The following TDRD1 variants were observed in gnomAD, a reference collection of about 807,000 sequenced individuals.
The protein encoded by TDRD1 is tudor domain containing 1.
A neutral mutation model predicts 140.6 loss-of-function variants in TDRD1; 37 were observed. That is an observed-to-expected ratio of 0.26 (90% confidence interval 0.20 to 0.35). The LOEUF (loss-of-function observed/expected upper bound fraction) is 0.35. Ranked by LOEUF, TDRD1 falls within the 10% of genes least tolerant of loss-of-function variation. The pLI is 1.00. For missense variants in TDRD1, 1,243 were observed against 1,393.0 expected, an observed-to-expected ratio of 0.89 and a Z score of 1.71; for synonymous variants, 506 against 475.7, an observed-to-expected ratio of 1.06 and a Z score of -0.83.
In TDRD1 at chr10:114,227,957, G is replaced by C; in HGVS notation, c.3450+1G>C. The stretch of plus-strand genomic sequence containing the variant: ...CTGCTGCACAGAGTTACAGAAACAA[G>C]TAGGTAAAATTTCCTTTAAGTGAAA... On this transcript the variant is annotated splice_donor_variant, in intron 24 of 25. Coordinates refer to ENST00000251864, the Ensembl canonical transcript of TDRD1. LOFTEE classifies it high-confidence loss of function. The C allele has an allele frequency of 6.2e-7, 1 of 1,613,560 alleles. No homozygotes were observed. Among genetic ancestry groups the C allele is most frequent in the Non-Finnish European group, 8.5e-7 (1 of 1,179,638 alleles).
chr10:114,178,861 C>A (rs2032791852), upstream of TDRD1, among the ~76,000 whole-genome samples: 1 of 137,816 alleles, frequency 7.3e-6, no homozygotes, highest in African/African-American at 2.8e-5. Flanking sequence ...TAGAAAAGTT[C>A]CATAGCAAAA....
chr10:114,211,234 T>C (rs1385896546), intron 13 of TDRD1, among the ~76,000 whole-genome samples: 1 of 152,138 alleles, frequency 6.6e-6, no homozygotes, highest in Admixed American at 6.5e-5. Context: ...TGTCAGCCTT[T>C]TGGTTTTGGG....
intron 11 of TDRD1, among the ~76,000 whole-genome samples, chr10:114,208,209 T>A (rs960157654): frequency 1.3e-5 from 2 of 152,088 alleles, no homozygotes; most frequent in Non-Finnish European, 2.9e-5. Context: ...CTAGAGCGGA[T>A]CATTAAAGGT....
intron 11 of TDRD1, among the ~76,000 whole-genome samples, chr10:114,209,745 A>G (rs1423698536): frequency 6.6e-6 from 1 of 152,198 alleles, no homozygotes. Flanking sequence ...GAGTCAACCT[A>G]TAGGTTCATG....
chr10:114,220,909 T>A (rs1248289658), intron 19 of TDRD1, 66 bp downstream of exon 19: 5 of 1,175,406 alleles, frequency 4.3e-6, no homozygotes, highest in Non-Finnish European at 4.9e-6. Context: ...CTATGAAAAA[T>A]TTTCCATCAT....
In TDRD1 at chr10:114,225,241, T is replaced by G. The variant is rs2036366938; in HGVS notation, c.3008-808T>G. ...AAAGCTCACCATTCTCTTTAGCAAC[T>G]TTAAAAATAGGTGTTATATGCAAAT... On this transcript the variant is annotated intron_variant, in intron 21 of 25. Coordinates refer to ENST00000251864, the Ensembl canonical transcript of TDRD1. 3.9e-5 allele frequency among the ~76,000 whole-genome samples: 6 copies of G among 152,366 alleles called. No individual in the cohort carries two copies. In the South Asian group the frequency reaches 1.2e-3, roughly 32 times the overall value.
intron 2 of TDRD1, among the ~76,000 whole-genome samples, chr10:114,189,694 C>T (rs574071027): frequency 2.0e-4 from 30 of 152,296 alleles, no homozygotes; most frequent in African/African-American, 6.7e-4. Flanking sequence ...TGGGCACAAA[C>T]GATCCTCCTG....
intron 11 of TDRD1, among the ~76,000 whole-genome samples, chr10:114,210,139 T>C (rs1011013925): frequency 6.6e-6 from 1 of 152,222 alleles, no homozygotes; most frequent in Admixed American, 6.5e-5. Context: ...GTTGAATGCA[T>C]TTTAAATTTC....
intron 18 of TDRD1, among the ~76,000 whole-genome samples, chr10:114,219,027 T>C (rs547654385): frequency 1.6e-4 from 25 of 152,218 alleles, no homozygotes; most frequent in Non-Finnish European, 4.4e-5. Flanking sequence ...ATAGTACTTA[T>C]TTTGTAGGGT....
intron 25 of TDRD1, among the ~76,000 whole-genome samples, chr10:114,230,260 G>A (rs891033562): frequency 6.6e-6 from 1 of 152,208 alleles, no homozygotes; most frequent in Non-Finnish European, 1.5e-5. Flanking sequence ...ATTGTTTCTT[G>A]ATAGATTTAA....
intron 2 of TDRD1, 114 bp downstream of exon 2, chr10:114,188,270 C>T (rs974060205): frequency 2.8e-5 from 24 of 863,158 alleles, no homozygotes; most frequent in Middle Eastern, 4.7e-4. Flanking sequence ...ACATGACTAC[C>T]TTACCGTATT....
At chr10:114,227,834 G>C in intron 23 of TDRD1, 76 bp from the exon 24 acceptor site, 1 of 1,156,514 alleles carries the variant, frequency 8.6e-7, no homozygotes, top group Non-Finnish European at 1.3e-6. Context: ...AGAGCTATCT[G>C]TATATGTTTA....
chr10:114,201,586 G>T, intron 5 of TDRD1, 71 bp downstream of exon 5: 1 of 1,306,220 alleles, frequency 7.7e-7, no homozygotes, highest in East Asian at 2.3e-5. Context: ...CGTCCAATTA[G>T]TTAAGCAGAC....
chr10:114,194,764 T>TG lies in TDRD1; in HGVS notation c.384+3745_384+3746insG, dbSNP rs199771804. 4.7e-3 allele frequency among the ~76,000 whole-genome samples: 705 copies of TG among 150,784 alleles called. 11 individuals carry two copies. In the East Asian group the frequency reaches 0.052, roughly 11 times the overall value. ...TTTTAGTGGTTGGTTGTTGGTTTTT[T>TG]TTTTTTTTTTATTAGACAAGGTCTC... On this transcript the variant is annotated intron_variant, in intron 3 of 25. Coordinates refer to ENST00000251864, the Ensembl canonical transcript of TDRD1.
At chr10:114,216,022 C>T (rs1474313895) in intron 16 of TDRD1, among the ~76,000 whole-genome samples, 2 of 152,122 alleles carry the variant, frequency 1.3e-5, no homozygotes, top group African/African-American at 4.8e-5. Flanking sequence ...TTTCTCCAGT[C>T]TCTTTTTAAA....
intron 1 of TDRD1, among the ~76,000 whole-genome samples, chr10:114,184,036 CATAG>C (rs1245921674): frequency 6.6e-6 from 1 of 152,030 alleles, no homozygotes; most frequent in Non-Finnish European, 1.5e-5. Context: ...TTAAAAACCC[CATAG>C]ATATATACTT....
chr10:114,204,348 T>A (rs2034964840), intron 9 of TDRD1, 132 bp downstream of exon 9: 1 of 990,208 alleles, frequency 1.0e-6, no homozygotes, highest in Admixed American at 3.7e-5. Flanking sequence ...TAAACACTCA[T>A]GGGCTATCTT....
chr10:114,203,632 C>G, intron 8 of TDRD1, 65 bp downstream of exon 8: 1 of 1,410,712 alleles, frequency 7.1e-7, no homozygotes, highest in East Asian at 2.3e-5. Context: ...GAACTGAACA[C>G]CAGAGCTTTT....
At chr10:114,188,084 G>C in exon 2 of TDRD1, 1 of 1,613,638 alleles carries the variant, frequency 6.2e-7, no homozygotes, top group East Asian at 2.2e-5. Flanking sequence ...AGACAATTCA[G>C]TTTCTTCAAA....
Sources: gnomAD v4.1 joint callset for allele counts (sites outside exome capture counted in the v4.1 genomes callset) on GRCh38, gnomAD v4.1.1 for gene constraint, MANE v1.5 for transcripts, NCBI Gene and HGNC (gene_info 2026-07-23, HGNC 2026-07-21) for gene names.